The following GSN variants were observed in gnomAD, a reference collection of about 807,000 sequenced individuals.
GSN encodes gelsolin, also known as actin-depolymerizing factor.
GSN carries 56 observed loss-of-function variants against 85.7 expected under a neutral mutation model. The ratio of observed to expected loss-of-function variants is 0.65; its 90% CI spans 0.53 to 0.82. The LOEUF is 0.82. Ranked by LOEUF, GSN falls within the 40% of genes least tolerant of loss-of-function variation. The pLI is 0.00. For synonymous variants in GSN, 373 were observed against 399.1 expected (o/e 0.93, Z 0.78); for missense variants, 857 against 979.8 (o/e 0.87, Z 1.67).
chr9:121,239,287 T>G, intron 5 of GSN: 1 of 389,520 alleles, frequency 2.6e-6, no homozygotes, highest in South Asian at 2.2e-5. Context: ...TGCCAGAAAT[T>G]CGGCTGTGGT....
Position 121,308,792 on chromosome 9 carries a change from G to C in GSN, c.352-1892G>C, listed in dbSNP as rs184889625. 234 of 152,390 alleles carry C rather than the reference G, an allele frequency of 1.5e-3. 1 individual carries two copies. The highest frequency in any genetic ancestry group is 5.1e-3 in the African/African-American group (214 of 41,588). 9.4% of individuals were successfully genotyped at this position (152,390 alleles called of 1,614,324 possible). A position where few individuals can be genotyped will look rare whatever the true frequency, so the allele number is the denominator to read the frequency against. On this transcript the variant is annotated intron_variant, in intron 4 of 17. Coordinates refer to ENST00000432226, the MANE Select transcript of GSN (RefSeq NM_198252.3). ...TGGGCCCCATTTTGCACATCAGTGC[G>C]ATGCAGCAATGACACCTCCCTTGCA...
intron 2 of GSN, chr9:121,282,227 G>A (rs2057473041): frequency 1.7e-6 from 1 of 577,020 alleles, no homozygotes; most frequent in African/African-American, 1.9e-5. Context: ...GGGTGCCTTG[G>A]TCTCCCCCTA....
intron 1 of GSN, among the ~76,000 whole-genome samples, chr9:121,208,703 G>C (rs902620157): frequency 2.6e-5 from 4 of 152,228 alleles, no homozygotes; most frequent in Non-Finnish European, 1.5e-5. Context: ...TAGGTCACAT[G>C]GTCACACCTA....
At position 121,327,375 on chromosome 9, in the gene GSN, A is replaced by G; in HGVS notation, c.1655A>G (p.Tyr552Cys). The G allele has an allele frequency of 6.2e-7, 1 of 1,613,662 alleles. No homozygotes were observed. The highest frequency in any genetic ancestry group is 1.7e-5 in the Admixed American group (1 of 60,000). Residue 552 changes from tyrosine (Y) to cysteine (C), a missense_variant, in exon 14 of 18, where the codon TAC becomes TGC. Coordinates refer to ENST00000432226, the MANE Select transcript of GSN (RefSeq NM_198252.3). ...GTTCTGAAAACCCCCTCAGCCGCCT[A>G]CCTGTGGGTGGGTACAGGAGCCAGC... ...AFVLKTPSAA[Y>C]LWVGTGASEA...
In GSN at chr9:121,326,640, C is replaced by A; in HGVS notation, c.1545C>A (p.Phe515Leu). 1 of 1,608,256 alleles carries A rather than the reference C, an allele frequency of 6.2e-7. No homozygotes were observed. Among genetic ancestry groups the A allele is most frequent in the Non-Finnish European group, 8.5e-7 (1 of 1,177,148 alleles). ...CAGCCCCTGCCAGCACCCGCCTCTTCCAGGTCCGCGCCAACAGCGCTGGAG... is the reference window on the plus strand; with the variant it reads ...CAGCCCCTGCCAGCACCCGCCTCTTACAGGTCCGCGCCAACAGCGCTGGAG... ...GQTAPASTRL[F>L]QVRANSAGAT... Residue 515 changes from phenylalanine (F) to leucine (L), a missense_variant, in exon 13 of 18, where the codon TTC (phenylalanine) becomes TTA (leucine). Transcript: ENST00000432226.
chr9:121,229,846 A>G (rs557652879), intron 4 of GSN, among the ~76,000 whole-genome samples: 68 of 152,212 alleles, frequency 4.5e-4, no homozygotes, highest in Non-Finnish European at 7.9e-4. Context: ...TTCACTGATA[A>G]TTTTACCTGA....
Position 121,318,552 on chromosome 9 carries a change from G to C in GSN, c.975+58G>C. ...GGTGGGTCCTGTTTGGAGGGGATGG[G>C]CTGGAGTAGGGCGGGTGTCCCACCC... On this transcript the variant is annotated intron_variant, in intron 9 of 17. Transcript: ENST00000432226. The surrounding 1 kb of genome is among the most constrained non-coding windows in gnomAD (Gnocchi z 4.3). The C allele has an allele frequency of 5.3e-6, 8 of 1,497,760 alleles. No individual in the cohort carries two copies. The highest frequency in any genetic ancestry group is 7.4e-6 in the Non-Finnish European group (8 of 1,073,842). The allele number at this position is 1,497,760 out of a possible 1,614,324, so 92.8% of individuals were successfully genotyped here. A position where few individuals can be genotyped will look rare whatever the true frequency, so the allele number is the denominator to read the frequency against.
At chr9:121,251,008 T>C (rs1057175447) in intron 6 of GSN, among the ~76,000 whole-genome samples, 1 of 151,620 alleles carries the variant, frequency 6.6e-6, no homozygotes, top group Non-Finnish European at 1.5e-5. Context: ...TTTTTTTTTG[T>C]AGAGTTGGGG....
At chr9:121,216,151 T>A (rs2054060134) in intron 4 of GSN, among the ~76,000 whole-genome samples, 1 of 152,214 alleles carries the variant, frequency 6.6e-6, no homozygotes, top group South Asian at 2.1e-4. Context: ...TTTTGCCATG[T>A]TGGCCAGACT....
At chr9:121,230,178 CT>C (rs2054359267) in intron 4 of GSN, among the ~76,000 whole-genome samples, 1 of 152,140 alleles carries the variant, frequency 6.6e-6, no homozygotes, top group Admixed American at 6.5e-5. Context: ...AGCTTTGAAC[CT>C]TCTTTGTTTT....
chr9:121,243,536 A>T (rs2054644509), intron 5 of GSN, among the ~76,000 whole-genome samples: 1 of 152,090 alleles, frequency 6.6e-6, no homozygotes, highest in African/African-American at 2.4e-5. Context: ...TATTTTTTTC[A>T]AGGTCAGGGT....
chr9:121,286,315 A>C, intron 2 of GSN: 2 of 652,506 alleles, frequency 3.1e-6, no homozygotes, highest in South Asian at 1.9e-5. Context: ...AGATGAAACC[A>C]GTTCCAATTC....
At chr9:121,286,238 G>T in intron 2 of GSN, 2 of 1,211,768 alleles carry the variant, frequency 1.7e-6, no homozygotes, top group Non-Finnish European at 1.2e-6. Flanking sequence ...GAGGAGGGAC[G>T]CCAGGGAGAC....
chr9:121,302,069 A>C lies in GSN; in HGVS notation c.98A>C (p.Asn33Thr). Residue 33 changes from asparagine to threonine, a missense_variant, in exon 3 of 18, where the codon AAC becomes ACC. Physicochemically the swap from Asn to Thr is moderately conservative, Grantham distance 65. Coordinates refer to ENST00000432226, the MANE Select transcript of GSN (RefSeq NM_198252.3). ...TTCGATCTGGTGCCCGTGCCCACCAACCTTTATGGAGACTTCTTCACGGGC... is the reference window on the plus strand; with the variant it reads ...TTCGATCTGGTGCCCGTGCCCACCACCCTTTATGGAGACTTCTTCACGGGC... Reference protein sequence around the residue: ...EKFDLVPVPTNLYGDFFTGDA... With the variant: ...EKFDLVPVPTTLYGDFFTGDA... 6.2e-7 allele frequency: 1 copy of C among 1,614,170 alleles called. No homozygotes were observed.
upstream of GSN, among the ~76,000 whole-genome samples, chr9:121,264,105 G>A (rs1368605181): frequency 2.0e-5 from 3 of 152,080 alleles, no homozygotes; most frequent in Admixed American, 2.0e-4. Flanking sequence ...AGTTTATATA[G>A]ATTGTTATTG....
At chr9:121,223,692 C>G (rs1322802567) in intron 4 of GSN, among the ~76,000 whole-genome samples, 1 of 152,084 alleles carries the variant, frequency 6.6e-6, no homozygotes, top group African/African-American at 2.4e-5. Context: ...CAGAGTCTCA[C>G]TCTGTTGTCT....
chr9:121,310,604 C>T (rs551811550), intron 4 of GSN, 80 bp from the exon 5 acceptor site: 6 of 1,401,748 alleles, frequency 4.3e-6, no homozygotes, highest in Non-Finnish European at 5.0e-6. Context: ...ATTTCCTTTA[C>T]CTCAATTCTG....
intron 5 of GSN, among the ~76,000 whole-genome samples, chr9:121,242,874 T>C (rs992033385): frequency 4.6e-5 from 7 of 152,176 alleles, no homozygotes; most frequent in African/African-American, 1.7e-4. Context: ...AAAATTTTCC[T>C]ATAGAAACCC....
chr9:121,287,668 A>G (rs563152446), intron 2 of GSN, among the ~76,000 whole-genome samples: 2 of 141,828 alleles, frequency 1.4e-5, no homozygotes, highest in African/African-American at 5.2e-5. Context: ...AATAGTACAC[A>G]GGAAGCGTGT....
Sources: gnomAD v4.1 joint callset for allele counts (sites outside exome capture counted in the v4.1 genomes callset) on GRCh38, gnomAD v4.1.1 for gene constraint, Gnocchi (gnomAD v3.1) non-coding constraint, MANE v1.5 for transcripts, NCBI Gene and HGNC (gene_info 2026-07-23, HGNC 2026-07-21) for gene names.